Variants in LTBP1 observed in about 807,000 individuals in gnomAD.
LTBP1 encodes latent transforming growth factor beta binding protein 1, also known as latent-transforming growth factor beta-binding protein 1.
A neutral mutation model predicts 207.6 loss-of-function variants in LTBP1; 129 were observed. The observed-to-expected ratio is 0.62, with a 90% CI of 0.54 to 0.72. The LOEUF is 0.72. Ranked by LOEUF, LTBP1 falls within the 30% of genes least tolerant of loss-of-function variation. The probability of loss-of-function intolerance (pLI) is 0.00; values close to 1 mark genes in which losing one functional copy is unlikely to be tolerated. For missense variants in LTBP1, 2,281 were observed against 2,217.2 expected, an observed-to-expected ratio of 1.03 and a Z score of -0.58; for synonymous variants, 963 against 833.7, an observed-to-expected ratio of 1.16 and a Z score of -2.67.
intron 6 of LTBP1, among the ~76,000 whole-genome samples, chr2:33,188,315 G>A (rs2087434121): frequency 6.6e-6 from 1 of 151,082 alleles, no homozygotes; most frequent in Non-Finnish European, 1.5e-5. Context: ...CAGGTACTCG[G>A]GAGGCTGAGG....
At chr2:33,058,861 G>A (rs941358051) in intron 3 of LTBP1, among the ~76,000 whole-genome samples, 9 of 152,296 alleles carry the variant, frequency 5.9e-5, no homozygotes, top group Non-Finnish European at 1.3e-4. Context: ...TTAAGCTACA[G>A]AAGTGCTGAA....
intron 9 of LTBP1, among the ~76,000 whole-genome samples, chr2:33,229,384 G>A (rs1331386386): frequency 6.6e-6 from 1 of 152,162 alleles, no homozygotes; most frequent in Admixed American, 6.5e-5. Flanking sequence ...TGAGGCAGAA[G>A]GGTTGCTTGA....
At position 33,301,044 on chromosome 2, in the gene LTBP1, C is replaced by T. The variant is rs191359017; in HGVS notation, c.3358+471C>T. 5.6e-3 allele frequency among the ~76,000 whole-genome samples: 851 copies of T among 152,150 alleles called. 11 individuals carry two copies. Among genetic ancestry groups the T allele is most frequent in the African/African-American group, 0.02 (815 of 41,516 alleles). On this transcript the variant is annotated intron_variant, in intron 21 of 33. Coordinates refer to ENST00000404816, the MANE Select transcript of LTBP1 (RefSeq NM_206943.4). The stretch of plus-strand genomic sequence containing the variant: ...CTCAATAAAACTGTAATAATGTCCC[C>T]CTTAGAGAGAAAGTTTGCAAAATAT...
chr2:33,099,482 G>A (rs1175883153), intron 3 of LTBP1, among the ~76,000 whole-genome samples: 2 of 152,124 alleles, frequency 1.3e-5, no homozygotes. Context: ...GGTGTGACTG[G>A]AGAACAGTTT....
At chr2:33,149,480 C>T (rs1477008037) in intron 5 of LTBP1, among the ~76,000 whole-genome samples, 1 of 152,182 alleles carries the variant, frequency 6.6e-6, no homozygotes. Flanking sequence ...TCACAAATGT[C>T]TTCCTTTGAT....
chr2:33,144,382 A>G (rs891713707), intron 5 of LTBP1, among the ~76,000 whole-genome samples: 2 of 152,194 alleles, frequency 1.3e-5, no homozygotes, highest in African/African-American at 4.8e-5. Context: ...ATATTGTAGC[A>G]CCATGTCCTC....
chr2:33,042,128 A>G (rs1174257065), intron 3 of LTBP1, among the ~76,000 whole-genome samples: 1 of 152,172 alleles, frequency 6.6e-6, no homozygotes, highest in Non-Finnish European at 1.5e-5. Flanking sequence ...ATCTTTGCAT[A>G]TGCGTACTTG....
intron 24 of LTBP1, among the ~76,000 whole-genome samples, chr2:33,316,686 G>A (rs111986501): frequency 0.01 from 1,561 of 152,288 alleles, 19 homozygotes; most frequent in African/African-American, 0.035. Flanking sequence ...AGTGGTTCAA[G>A]TTTTATGTAA....
chr2:33,048,681 C>T (rs772925853), intron 3 of LTBP1, among the ~76,000 whole-genome samples: 3 of 152,216 alleles, frequency 2.0e-5, no homozygotes, highest in Non-Finnish European at 4.4e-5. Context: ...CACAGCTGGA[C>T]ATTTCGAGGG....
chr2:33,058,566 C>G (rs1434779110), intron 3 of LTBP1, among the ~76,000 whole-genome samples: 1 of 152,174 alleles, frequency 6.6e-6, no homozygotes, highest in Non-Finnish European at 1.5e-5. Context: ...TATGGAATCA[C>G]CAATTTATAA....
chr2:33,148,515 A>G (rs2083239763), intron 5 of LTBP1, among the ~76,000 whole-genome samples: 2 of 152,190 alleles, frequency 1.3e-5, no homozygotes, highest in Non-Finnish European at 2.9e-5. Flanking sequence ...GTATCACAAA[A>G]TTGCAACTTT....
At chr2:33,104,790 C>A (rs903701474) in intron 3 of LTBP1, among the ~76,000 whole-genome samples, 1 of 152,160 alleles carries the variant, frequency 6.6e-6, no homozygotes, top group African/African-American at 2.4e-5. Context: ...CCTTAGAGAT[C>A]CACCCTGCAT....
chr2:33,017,408 G>T (rs1285148518), intron 2 of LTBP1, among the ~76,000 whole-genome samples: 1 of 152,174 alleles, frequency 6.6e-6, no homozygotes, highest in African/African-American at 2.4e-5. Flanking sequence ...GTCACTGATT[G>T]CTGGGCTCCA....
chr2:33,335,958 A>G lies in LTBP1; in HGVS notation c.3731-6880A>G, dbSNP rs528013724. 4.3e-4 allele frequency among the ~76,000 whole-genome samples: 65 copies of G among 152,328 alleles called. 1 individual carries two copies. The highest frequency in any genetic ancestry group is 1.5e-3 in the African/African-American group (63 of 41,580). On this transcript the variant is annotated intron_variant, in intron 24 of 33. Transcript: ENST00000404816. The stretch of plus-strand genomic sequence containing the variant: ...GAAGAGTTCCAGGAGCACCGATGCT[A>G]GACATGGTCCTGTCTAAGTCCTGGG...
At chr2:33,365,928 T>G (rs542184472) in intron 31 of LTBP1, among the ~76,000 whole-genome samples, 47 of 152,272 alleles carry the variant, frequency 3.1e-4, no homozygotes, top group African/African-American at 1.1e-3. Flanking sequence ...CATGTCAATC[T>G]CTGTATGTGG....
intron 4 of LTBP1, among the ~76,000 whole-genome samples, chr2:33,130,977 C>T (rs2081756940): frequency 6.6e-6 from 1 of 152,182 alleles, no homozygotes; most frequent in Non-Finnish European, 1.5e-5. Context: ...ATTTTTGCTT[C>T]TCAGACTTAT....
intron 3 of LTBP1, among the ~76,000 whole-genome samples, chr2:33,076,115 G>A (rs2078067720): frequency 6.6e-6 from 1 of 152,202 alleles, no homozygotes; most frequent in South Asian, 2.1e-4. Context: ...TGAGGTATAA[G>A]TCTCAAATCA....
At chr2:33,297,726 G>A (rs1423572435) in intron 20 of LTBP1, among the ~76,000 whole-genome samples, 2 of 151,998 alleles carry the variant, frequency 1.3e-5, no homozygotes, top group African/African-American at 4.8e-5. Flanking sequence ...ACCCGGCCCT[G>A]CCTTTTCAAA....
chr2:33,152,377 C>A (rs118076374), intron 5 of LTBP1, among the ~76,000 whole-genome samples: 1 of 152,126 alleles, frequency 6.6e-6, no homozygotes, highest in East Asian at 1.9e-4. Flanking sequence ...TACCACCTCA[C>A]GCCTGCAAGA....
Sources: allele counts gnomAD v4.1 joint callset (sites outside exome capture counted in the v4.1 genomes callset), GRCh38; gene constraint gnomAD v4.1.1; transcripts MANE v1.5; gene names NCBI Gene and HGNC (gene_info 2026-07-23, HGNC 2026-07-21).